Variants in BCKDHB observed in about 807,000 individuals in gnomAD.
BCKDHB encodes branched chain keto acid dehydrogenase E1 subunit beta.
In BCKDHB, 41 loss-of-function variants were observed where a neutral mutation model predicts 48.5. That is an observed-to-expected ratio of 0.85 (90% confidence interval 0.66 to 1.10). BCKDHB has a LOEUF of 1.10. Ranked by LOEUF, BCKDHB falls within the 50% of genes least tolerant of loss-of-function variation. BCKDHB has a pLI of 0.00. For synonymous variants in BCKDHB, 201 were observed against 174.8 expected (o/e 1.15, Z -1.18); for missense variants, 496 against 494.2 (o/e 1.00, Z -0.03).
At chr6:80,432,889 T>A in the BCKDHB span, among the ~76,000 whole-genome samples, 1 of 152,196 alleles carries the variant, frequency 6.6e-6, no homozygotes, top group Non-Finnish European at 1.5e-5. Flanking sequence ...TCCTTTCTGT[T>A]TGTTAGTTTT....
At chr6:80,182,978 T>C (rs1773482327) in intron 6 of BCKDHB, among the ~76,000 whole-genome samples, 2 of 152,174 alleles carry the variant, frequency 1.3e-5, no homozygotes. Context: ...CACATGTACC[T>C]TCACATGTAT....
At chr6:80,182,984 T>C (rs1773482567) in intron 6 of BCKDHB, among the ~76,000 whole-genome samples, 1 of 152,178 alleles carries the variant, frequency 6.6e-6, no homozygotes. Context: ...TACCTTCACA[T>C]GTATCCTTTC....
At chr6:80,388,595 C>G in the BCKDHB span, among the ~76,000 whole-genome samples, 2 of 152,100 alleles carry the variant, frequency 1.3e-5, no homozygotes, top group East Asian at 1.9e-4. Flanking sequence ...ATATACGTGG[C>G]TGGGGTCAAG....
the BCKDHB span, among the ~76,000 whole-genome samples, chr6:80,380,453 C>A: frequency 6.6e-6 from 1 of 151,742 alleles, no homozygotes. Context: ...GATTGAAGAC[C>A]TAAACATAAG....
chr6:80,215,341 A>G (rs1237699366), intron 8 of BCKDHB, among the ~76,000 whole-genome samples: 1 of 152,210 alleles, frequency 6.6e-6, no homozygotes, highest in Non-Finnish European at 1.5e-5. Flanking sequence ...GATCACAACT[A>G]GTTAGTTGTT....
At chr6:80,381,195 A>T in the BCKDHB span, among the ~76,000 whole-genome samples, 2 of 150,528 alleles carry the variant, frequency 1.3e-5, no homozygotes, top group African/African-American at 4.9e-5. Context: ...TTATTCTCAC[A>T]TTTTTTTTTC....
chr6:80,458,837 A>G, the BCKDHB span, among the ~76,000 whole-genome samples: 1 of 152,128 alleles, frequency 6.6e-6, no homozygotes, highest in Non-Finnish European at 1.5e-5. Context: ...AAAAAAAGTA[A>G]AAAAATCACC....
At chr6:80,361,966 G>A in the BCKDHB span, among the ~76,000 whole-genome samples, 2 of 152,066 alleles carry the variant, frequency 1.3e-5, no homozygotes, top group Non-Finnish European at 1.5e-5. Flanking sequence ...GGTCCTGGGA[G>A]TTGTATAATT....
intron 9 of BCKDHB, among the ~76,000 whole-genome samples, chr6:80,316,517 A>G (rs1385930739): frequency 1.3e-5 from 2 of 152,228 alleles, no homozygotes. Flanking sequence ...TTTGGTGGGT[A>G]ACAATATTAG....
intron 1 of BCKDHB, among the ~76,000 whole-genome samples, chr6:80,109,822 A>C (rs746996463): frequency 6.6e-6 from 1 of 152,160 alleles, no homozygotes; most frequent in African/African-American, 2.4e-5. Flanking sequence ...TAACCTTGTG[A>C]ACTAGACAAT....
downstream of BCKDHB, among the ~76,000 whole-genome samples, chr6:80,348,587 G>A (rs186349753): frequency 6.6e-6 from 1 of 152,326 alleles, no homozygotes; most frequent in African/African-American, 2.4e-5. Context: ...GAAACAAAAA[G>A]TATTAGACTC....
chr6:80,257,477 AACAG>A (rs1177954369), intron 8 of BCKDHB, among the ~76,000 whole-genome samples: 6 of 150,930 alleles, frequency 4.0e-5, no homozygotes, highest in African/African-American at 1.5e-4. Flanking sequence ...TAAATAATGT[AACAG>A]TATAAGTATC....
chr6:80,181,512 T>C (rs745626165), intron 6 of BCKDHB, among the ~76,000 whole-genome samples: 17 of 152,172 alleles, frequency 1.1e-4, no homozygotes, highest in Non-Finnish European at 2.2e-4. Flanking sequence ...TCAGCAATTC[T>C]GGTCTTGTCT....
chr6:80,126,760 G>A (rs978394628), intron 1 of BCKDHB, among the ~76,000 whole-genome samples: 1 of 151,910 alleles, frequency 6.6e-6, no homozygotes, highest in Non-Finnish European at 1.5e-5. Flanking sequence ...CTAATGTCAT[G>A]ATGTTTCTGA....
Position 80,125,748 on chromosome 6 carries a change from G to T in BCKDHB, c.197-1799G>T, listed in dbSNP as rs1443192005. ...ATTTATTGAGGTTACTAATGTAATT[G>T]TCTTGGGGTGCCATGGCAGAATGTC... On this transcript the variant is annotated intron_variant, in intron 1 of 9. Coordinates refer to ENST00000320393, the MANE Select transcript of BCKDHB (RefSeq NM_183050.4). 3.9e-5 allele frequency among the ~76,000 whole-genome samples: 6 copies of T among 152,264 alleles called. No homozygotes were observed. In the East Asian group the frequency reaches 1.2e-3, roughly 29 times the overall value.
At chr6:80,463,182 T>C in the BCKDHB span, 4 of 152,258 alleles carry the variant, frequency 2.6e-5, no homozygotes, top group South Asian at 4.1e-4. Context: ...GGTTTTGTTA[T>C]TAAATAGACA....
chr6:80,338,306 C>G (rs746477127), intron 9 of BCKDHB, among the ~76,000 whole-genome samples: 3 of 152,132 alleles, frequency 2.0e-5, no homozygotes, highest in Non-Finnish European at 4.4e-5. Flanking sequence ...GGCTTTTTTA[C>G]TCTAACTTTT....
chr6:80,371,483 T>C, the BCKDHB span, among the ~76,000 whole-genome samples: 1 of 152,280 alleles, frequency 6.6e-6, no homozygotes, highest in South Asian at 2.1e-4. Context: ...AGAAGCATTT[T>C]AGTTTAATCA....
At chr6:80,166,383 C>T (rs1439934722) in intron 3 of BCKDHB, among the ~76,000 whole-genome samples, 5 of 152,064 alleles carry the variant, frequency 3.3e-5, no homozygotes, top group African/African-American at 4.8e-5. Context: ...TAGCCAGGCC[C>T]GGTAGCTCAT....
Sources: allele counts gnomAD v4.1 joint callset (sites outside exome capture counted in the v4.1 genomes callset), GRCh38; gene constraint gnomAD v4.1.1; transcripts MANE v1.5; gene names NCBI Gene and HGNC (gene_info 2026-07-23, HGNC 2026-07-21).